Variants in NRXN1 observed in about 807,000 individuals in gnomAD.
NRXN1 encodes the protein neurexin-1.
NRXN1 carries 39 observed loss-of-function variants against 150.9 expected under a neutral mutation model. That is an observed-to-expected ratio of 0.26 (90% CI 0.20 to 0.34). NRXN1 has a LOEUF of 0.34. Among genes scored for constraint, NRXN1 ranks in the 10% least tolerant of loss-of-function variants. NRXN1 has a pLI of 1.00. For synonymous variants in NRXN1, 924 were observed against 757.0 expected, an observed-to-expected ratio of 1.22 and a Z score of -3.62; for missense variants, 1,815 against 1,949.9, an observed-to-expected ratio of 0.93 and a Z score of 1.30.
intron 17 of NRXN1, among the ~76,000 whole-genome samples, chr2:50,276,845 T>A (rs1436487579): frequency 6.6e-6 from 1 of 152,172 alleles, no homozygotes; most frequent in Non-Finnish European, 1.5e-5. Flanking sequence ...GAGAACTTGC[T>A]ATTTATGCCA....
intron 21 of NRXN1, among the ~76,000 whole-genome samples, chr2:49,995,865 AAAAAAAAAAAAAAAAAAAG>A (rs1468529596): frequency 8.8e-6 from 1 of 113,154 alleles, no homozygotes; most frequent in Non-Finnish European, 2.1e-5. Flanking sequence ...GGATAGTAAA[AAAAAAAAAAAAAAAAAAAG>A]AAAAAAGGAT....
At chr2:50,530,406 GA>G (rs1239078508) in intron 11 of NRXN1, among the ~76,000 whole-genome samples, 2 of 152,068 alleles carry the variant, frequency 1.3e-5, no homozygotes, top group East Asian at 3.9e-4. Context: ...CCCTTTCCGT[GA>G]TAAGACTTTC....
chr2:50,244,993 G>C (rs2066367875), intron 17 of NRXN1, among the ~76,000 whole-genome samples: 1 of 151,858 alleles, frequency 6.6e-6, no homozygotes, highest in Non-Finnish European at 1.5e-5. Context: ...GTAAATAGTT[G>C]AGTAGTTTGA....
intron 2 of NRXN1, among the ~76,000 whole-genome samples, chr2:50,952,902 C>G (rs1020384579): frequency 6.6e-6 from 1 of 152,200 alleles, no homozygotes; most frequent in African/African-American, 2.4e-5. Context: ...AACCAGAGCT[C>G]AAGCTGCTAG....
At chr2:50,277,048 G>T (rs937186967) in intron 17 of NRXN1, among the ~76,000 whole-genome samples, 1 of 151,986 alleles carries the variant, frequency 6.6e-6, no homozygotes, top group Non-Finnish European at 1.5e-5. Context: ...AATTAACACA[G>T]TTAGCTACAC....
intron 5 of NRXN1, among the ~76,000 whole-genome samples, chr2:50,883,824 A>T (rs1182267354): frequency 1.3e-5 from 2 of 151,860 alleles, no homozygotes; most frequent in Non-Finnish European, 2.9e-5. Context: ...ACAGAAGCCT[A>T]CAAACTGTGA....
At chr2:50,558,461 C>A (rs1277848306) in intron 8 of NRXN1, among the ~76,000 whole-genome samples, 1 of 152,110 alleles carries the variant, frequency 6.6e-6, no homozygotes, top group Non-Finnish European at 1.5e-5. Flanking sequence ...GTTCTAAATA[C>A]CAGTATTTTT....
chr2:50,389,575 A>G (rs542056131), intron 17 of NRXN1, among the ~76,000 whole-genome samples: 2 of 151,916 alleles, frequency 1.3e-5, no homozygotes, highest in African/African-American at 4.8e-5. Flanking sequence ...ATCTATGTCC[A>G]ATTAGTTTTT....
At chr2:50,874,878 T>C (rs1678340703) in intron 5 of NRXN1, among the ~76,000 whole-genome samples, 1 of 151,866 alleles carries the variant, frequency 6.6e-6, no homozygotes, top group Admixed American at 6.6e-5. Context: ...CTGTCAAATG[T>C]ATCTTACGAA....
chr2:50,929,817 G>A (rs1287476153), intron 2 of NRXN1, among the ~76,000 whole-genome samples: 2 of 151,984 alleles, frequency 1.3e-5, no homozygotes, highest in Non-Finnish European at 1.5e-5. Flanking sequence ...GGCACAGGAT[G>A]GAGCTTTGTT....
intron 2 of NRXN1, among the ~76,000 whole-genome samples, chr2:50,970,610 T>C (rs556243185): frequency 6.6e-6 from 1 of 152,228 alleles, no homozygotes; most frequent in South Asian, 2.1e-4. Context: ...GATTCCAACT[T>C]TGAATGTTAA....
At chr2:51,025,288 G>A (rs947616224) in intron 2 of NRXN1, among the ~76,000 whole-genome samples, 1 of 152,146 alleles carries the variant, frequency 6.6e-6, no homozygotes, top group Non-Finnish European at 1.5e-5. Context: ...GCACTACACT[G>A]TTCAATTATG....
chr2:49,938,721 A>T (rs1410682065), intron 22 of NRXN1, among the ~76,000 whole-genome samples: 1 of 152,224 alleles, frequency 6.6e-6, no homozygotes, highest in Admixed American at 6.5e-5. Flanking sequence ...GGCTCCAGAA[A>T]ACAGGAGGCA....
intron 21 of NRXN1, among the ~76,000 whole-genome samples, chr2:49,996,101 G>A (rs1682947230): frequency 6.6e-6 from 1 of 152,086 alleles, no homozygotes; most frequent in East Asian, 1.9e-4. Flanking sequence ...GGACCTTATG[G>A]TGTAGAAGGG....
At chr2:50,493,708 T>C (rs1411405029) in intron 15 of NRXN1, among the ~76,000 whole-genome samples, 2 of 152,202 alleles carry the variant, frequency 1.3e-5, no homozygotes. Flanking sequence ...TCGGATCACA[T>C]ACCCAATTTG....
At chr2:50,693,019 T>G (rs1692290300) in intron 5 of NRXN1, among the ~76,000 whole-genome samples, 5 of 152,096 alleles carry the variant, frequency 3.3e-5, no homozygotes, top group Admixed American at 3.3e-4. Flanking sequence ...TATTGATGGG[T>G]GGACTAGAAA....
intron 5 of NRXN1, among the ~76,000 whole-genome samples, chr2:50,666,624 T>C (rs1299486707): frequency 6.6e-6 from 1 of 151,958 alleles, no homozygotes; most frequent in African/African-American, 2.4e-5. Context: ...ACAGAGTGTT[T>C]GCTTCATGGG....
At chr2:50,686,990 T>G (rs1412579684) in intron 5 of NRXN1, among the ~76,000 whole-genome samples, 2 of 152,198 alleles carry the variant, frequency 1.3e-5, no homozygotes, top group African/African-American at 4.8e-5. Context: ...AATTAGGTAT[T>G]CCTTTGCTGA....
rs555237820 is a variant in NRXN1 at position 49,953,128 on chromosome 2, G to C, written c.4129-9337C>G. On this transcript the variant is annotated intron_variant, in intron 21 of 22. Coordinates refer to ENST00000401669, the MANE Select transcript of NRXN1 (RefSeq NM_001330078.2). ...CCTGATAAACTTTAACTTGGGGATA[G>C]ATGAGAACTTCCATTCCACACGATG... Among the ~76,000 whole-genome samples the C allele has an allele frequency of 5.9e-5, 9 of 152,262 alleles. No individual in the cohort carries two copies. The South Asian group carries it at 1.9e-3, about 32-fold the overall frequency.
Sources: gnomAD v4.1 joint callset for allele counts (sites outside exome capture counted in the v4.1 genomes callset) on GRCh38, gnomAD v4.1.1 for gene constraint, MANE v1.5 for transcripts, NCBI Gene and HGNC (gene_info 2026-07-23, HGNC 2026-07-21) for gene names.